The following BAIAP2 variants were observed in gnomAD, a reference collection of about 807,000 sequenced individuals.
BAIAP2 encodes BAR/IMD domain containing adaptor protein 2, also known as BAR/IMD domain-containing adapter protein 2.
BAIAP2 carries 18 observed loss-of-function variants against 63.0 expected under a neutral mutation model. That is an observed-to-expected ratio of 0.29 (90% confidence interval 0.20 to 0.42). BAIAP2 has a LOEUF of 0.42. BAIAP2 is among the 10% of genes least tolerant of loss of function. The pLI, the probability that BAIAP2 is intolerant of heterozygous loss-of-function variation, is 1.00. For missense variants in BAIAP2, 610 were observed against 734.3 expected (o/e 0.83, Z 1.96); for synonymous variants, 386 against 307.6 (o/e 1.25, Z -2.67).
intron 13 of BAIAP2, chr17:81,110,539 G>C (rs1009225898): frequency 1.2e-5 from 13 of 1,129,150 alleles, no homozygotes; most frequent in African/African-American, 6.4e-5. Flanking sequence ...CCTCCTTCCG[G>C]TTCCCGGCGT....
intron 5 of BAIAP2, among the ~76,000 whole-genome samples, chr17:81,085,961 G>A (rs537388091): frequency 1.2e-4 from 18 of 152,342 alleles, no homozygotes; most frequent in South Asian, 8.3e-4. Context: ...TCCATGCCCC[G>A]GCTTTGGCCA....
chr17:81,108,342 G>A, intron 12 of BAIAP2, 133 bp from the exon 13 acceptor site: 1 of 959,852 alleles, frequency 1.0e-6, no homozygotes, highest in Non-Finnish European at 1.6e-6. Context: ...CCAGGAGATG[G>A]GGAGCCTTCC....
At chr17:81,038,344 G>C (rs1403176273) in intron 1 of BAIAP2, among the ~76,000 whole-genome samples, 3 of 152,234 alleles carry the variant, frequency 2.0e-5, no homozygotes, top group Non-Finnish European at 4.4e-5. Flanking sequence ...AAGGTCTCGT[G>C]TCCGCAGAGA....
intron 3 of BAIAP2, among the ~76,000 whole-genome samples, chr17:81,081,320 C>T (rs1479631367): frequency 6.6e-6 from 1 of 152,210 alleles, no homozygotes; most frequent in Non-Finnish European, 1.5e-5. Flanking sequence ...TCTCAGGCTT[C>T]CTGATCCTGC....
At chr17:81,071,706 A>G (rs535464575) in intron 3 of BAIAP2, among the ~76,000 whole-genome samples, 18 of 152,380 alleles carry the variant, frequency 1.2e-4, no homozygotes, top group African/African-American at 4.3e-4. Flanking sequence ...ACTCACGTCC[A>G]GCTCCCGGCA....
At chr17:81,096,977 AGAGGAG>A (rs202204731) in intron 6 of BAIAP2, among the ~76,000 whole-genome samples, 41 of 151,924 alleles carry the variant, frequency 2.7e-4, no homozygotes, top group Middle Eastern at 3.4e-3. Flanking sequence ...AGGAGAAAGG[AGAGGAG>A]GAGGAGGAGG....
At chr17:81,101,942 G>GGGGGCCAGGCCCCATGAC (rs1459550438) in intron 7 of BAIAP2, among the ~76,000 whole-genome samples, 8 of 152,230 alleles carry the variant, frequency 5.3e-5, no homozygotes, top group African/African-American at 9.6e-5. Context: ...GCCCTCTGGC[G>GGGGGCCAGGCCCCATGAC]GGGGCCAGGC....
At chr17:81,089,718 G>A (rs1454962787) in intron 6 of BAIAP2, among the ~76,000 whole-genome samples, 1 of 152,200 alleles carries the variant, frequency 6.6e-6, no homozygotes, top group African/African-American at 2.4e-5. Flanking sequence ...GGTCAGGAAT[G>A]AGGGCAGCAT....
At chr17:81,053,618 A>G in intron 1 of BAIAP2, 50 bp from the exon 2 acceptor site, 1 of 1,606,730 alleles carries the variant, frequency 6.2e-7, no homozygotes, top group South Asian at 1.1e-5. Flanking sequence ...CTTCGGAGTC[A>G]CCAGGGTGAC....
At chr17:81,104,405 C>T (rs770733656) in intron 9 of BAIAP2, 109 bp from the exon 10 acceptor site, 186 of 1,254,108 alleles carry the variant, frequency 1.5e-4, no homozygotes, top group Non-Finnish European at 1.9e-4. Flanking sequence ...AGCCCACTTA[C>T]CCACCTGGGG....
At position 81,092,198 on chromosome 17, in the gene BAIAP2, G is replaced by A. The variant is rs374559066; in HGVS notation, c.489+5618G>A. On this transcript the variant is annotated intron_variant, in intron 6 of 13. Transcript: ENST00000428708. ...CACCCCACCTGAGCTGCATGTATGC[G>A]GAGCACCAGGCTCCTGGGAGCTGTG... 2.0e-3 allele frequency among the ~76,000 whole-genome samples: 306 copies of A among 152,390 alleles called. 2 individuals carry two copies. The Middle Eastern group carries it at 0.048, about 24-fold the overall frequency.
intron 1 of BAIAP2, among the ~76,000 whole-genome samples, chr17:81,045,144 C>T (rs929572061): frequency 6.6e-6 from 1 of 152,336 alleles, no homozygotes; most frequent in African/African-American, 2.4e-5. Flanking sequence ...GGCTTTTGCC[C>T]TTGTGGACCT....
chr17:81,076,939 C>A (rs764165503), intron 3 of BAIAP2, among the ~76,000 whole-genome samples: 3 of 152,124 alleles, frequency 2.0e-5, no homozygotes, highest in Non-Finnish European at 2.9e-5. Context: ...GCACTTCACT[C>A]CAGCCTGGTG....
At chr17:81,095,574 C>T (rs2057477541) in intron 6 of BAIAP2, among the ~76,000 whole-genome samples, 1 of 152,172 alleles carries the variant, frequency 6.6e-6, no homozygotes, top group Admixed American at 6.5e-5. Context: ...ATGTCATGCG[C>T]TGACTCAGGC....
intron 3 of BAIAP2, among the ~76,000 whole-genome samples, chr17:81,070,295 A>G (rs2052356949): frequency 6.6e-6 from 1 of 152,116 alleles, no homozygotes; most frequent in Non-Finnish European, 1.5e-5. Context: ...GCCCATGAAG[A>G]AAGGAACAGG....
rs574696694 is a variant in BAIAP2, at chr17:81,061,554, G to A, written c.217+3587G>A. On this transcript the variant is annotated intron_variant, in intron 3 of 13. Coordinates refer to ENST00000428708, the MANE Select transcript of BAIAP2 (RefSeq NM_001144888.2). ...TCTTCTTTTTTTGTCCAGCTTCCTC[G>A]GGTGTGCGTGGTTATTCTGAGCTGC... Among the ~76,000 whole-genome samples the A allele has an allele frequency of 6.3e-4, 96 of 152,090 alleles. 1 individual carries two copies. The highest frequency in any genetic ancestry group is 9.8e-4 in the Non-Finnish European group (67 of 68,024).
intron 6 of BAIAP2, among the ~76,000 whole-genome samples, chr17:81,097,289 G>A (rs901274334): frequency 1.2e-4 from 18 of 152,336 alleles, no homozygotes; most frequent in African/African-American, 3.8e-4. Flanking sequence ...CCGTGTTGGG[G>A]GATGTGGCTG....
chr17:81,075,321 T>C (rs2053477458), intron 3 of BAIAP2, among the ~76,000 whole-genome samples: 1 of 152,188 alleles, frequency 6.6e-6, no homozygotes, highest in Non-Finnish European at 1.5e-5. Flanking sequence ...TCCCCTGTGC[T>C]TCTGGTCTCC....
Position 81,103,655 on chromosome 17 carries a change from G to C in BAIAP2, c.796G>C (p.Val266Leu). 1 of 1,604,086 alleles carries C rather than the reference G, an allele frequency of 6.2e-7. No homozygotes were observed. Among genetic ancestry groups the C allele is most frequent in the African/African-American group, 1.3e-5 (1 of 74,948 alleles). The change falls in exon 8 of 14, where the codon GTC (valine) becomes CTC (leucine). Residue 266 changes from valine to leucine, a missense_variant. Transcript: ENST00000428708. ...SALSASKSNL[V>L]ISDPIPGAKP... The stretch of plus-strand genomic sequence containing the variant: ...CCTGTCGGCCTCCAAGTCCAACCTG[G>C]TCATTTCCGACCCCATTCCGGGGGC...
Sources: allele counts gnomAD v4.1 joint callset (sites outside exome capture counted in the v4.1 genomes callset), GRCh38; gene constraint gnomAD v4.1.1; transcripts MANE v1.5; gene names NCBI Gene and HGNC (gene_info 2026-07-23, HGNC 2026-07-21).